Variants in TET3 observed in about 807,000 individuals in gnomAD.
TET3 encodes the protein tet methylcytosine dioxygenase 3.
Under a neutral mutation model 141.4 loss-of-function variants are expected in TET3, and 19 were observed. The observed-to-expected ratio is 0.13, with a 90% CI of 0.09 to 0.20. The LOEUF (loss-of-function observed/expected upper bound fraction) is 0.20, where lower values mean the gene tolerates loss of function less well. Ranked by LOEUF, TET3 falls within the 10% of genes least tolerant of loss-of-function variation. The pLI is 1.00. For synonymous variants in TET3, 1,043 were observed against 980.9 expected (o/e 1.06, Z -1.18); for missense variants, 1,874 against 2,356.9 (o/e 0.80, Z 4.24).
chr2:74,040,214 G>A (rs1687271801), intron 3 of TET3, among the ~76,000 whole-genome samples: 1 of 152,152 alleles, frequency 6.6e-6, no homozygotes, highest in Non-Finnish European at 1.5e-5. Context: ...ATTGTAGAGT[G>A]GAGAAGAGTG....
intron 4 of TET3, among the ~76,000 whole-genome samples, chr2:74,062,000 C>G (rs1386560264): frequency 6.6e-6 from 1 of 152,164 alleles, no homozygotes; most frequent in Non-Finnish European, 1.5e-5. Flanking sequence ...AGAGACGCTC[C>G]TCACTTCCCA....
At chr2:74,068,456 A>G (rs1689027497) in intron 4 of TET3, among the ~76,000 whole-genome samples, 1 of 152,170 alleles carries the variant, frequency 6.6e-6, no homozygotes, top group Non-Finnish European at 1.5e-5. Flanking sequence ...ACAACTGCTC[A>G]ATATTTCATT....
chr2:74,005,019 CCT>C (rs1307899530), intron 3 of TET3, among the ~76,000 whole-genome samples: 2 of 152,154 alleles, frequency 1.3e-5, no homozygotes, highest in Non-Finnish European at 2.9e-5. Flanking sequence ...CTAGAGCTTC[CCT>C]CTCTGCTGGG....
At chr2:74,063,362 T>C (rs1688700764) in intron 4 of TET3, among the ~76,000 whole-genome samples, 1 of 152,154 alleles carries the variant, frequency 6.6e-6, no homozygotes, top group Non-Finnish European at 1.5e-5. Context: ...GCAAATAATT[T>C]GTCAGGCAAT....
chr2:73,999,154 TCCCTCTA>T (rs1211549529), intron 2 of TET3, among the ~76,000 whole-genome samples: 1 of 152,164 alleles, frequency 6.6e-6, no homozygotes, highest in East Asian at 1.9e-4. Flanking sequence ...GAAGCCTGTC[TCCCTCTA>T]CCCTCTACCA....
chr2:74,022,094 C>CCTTTTTTTTTTTT lies in TET3; in HGVS notation c.360+18928_360+18929insCTTTTTTTTTTTT, dbSNP rs57671706. On this transcript the variant is annotated intron_variant, in intron 3 of 11. Coordinates refer to ENST00000409262, the MANE Select transcript of TET3 (RefSeq NM_001287491.2). ...TTACTATTTCAGTCTTTCTAGGACA[C>CCTTTTTTTTTTTT]TTTTTTTTTTTTTTTTTTTTTTTCC... Among the ~76,000 whole-genome samples the CCTTTTTTTTTTTT allele has an allele frequency of 8.5e-5, 7 of 82,768 alleles. 1 individual carries two copies. Among genetic ancestry groups the CCTTTTTTTTTTTT allele is most frequent in the African/African-American group, 2.0e-4 (4 of 19,760 alleles). The allele number at this position is 82,768 out of a possible 152,430, so 54.3% of individuals were successfully genotyped here. A position where few individuals can be genotyped will look rare whatever the true frequency, so the allele number is the denominator to read the frequency against.
At chr2:74,036,974 G>A (rs1182244117) in intron 3 of TET3, among the ~76,000 whole-genome samples, 2 of 152,154 alleles carry the variant, frequency 1.3e-5, no homozygotes, top group Non-Finnish European at 1.5e-5. Flanking sequence ...TGTTTTACTG[G>A]TATGCATGTA....
At position 74,106,415 on chromosome 2, in the gene TET3, A is replaced by G. The variant is rs1691508097; in HGVS notation, c.*4239A>G. 1 of 153,508 alleles carries G rather than the reference A, an allele frequency of 6.5e-6. No individual in the cohort carries two copies. Among genetic ancestry groups the G allele is most frequent in the African/African-American group, 2.4e-5 (1 of 41,326 alleles). 9.5% of individuals were successfully genotyped at this position (153,508 alleles called of 1,614,324 possible). ...TAGGCATTCTCATAGCCAGGGACAG[A>G]TTTTCTCCTGCAGCCCAGGGTGCTA... On this transcript the variant is annotated 3_prime_UTR_variant, in exon 12 of 12. Transcript: ENST00000409262.
At chr2:74,041,555 G>A (rs1237792585) in intron 3 of TET3, among the ~76,000 whole-genome samples, 1 of 152,128 alleles carries the variant, frequency 6.6e-6, no homozygotes, top group Non-Finnish European at 1.5e-5. Context: ...AACTTAGAAG[G>A]TTGCAACCTG....
At chr2:74,116,144 A>G in the TET3 span, among the ~76,000 whole-genome samples, 1 of 152,206 alleles carries the variant, frequency 6.6e-6, no homozygotes, top group Non-Finnish European at 1.5e-5. Context: ...AGGGAAATGT[A>G]TATCAAAACC....
chr2:74,124,937 AAAAG>A, the TET3 span, among the ~76,000 whole-genome samples: 5 of 151,402 alleles, frequency 3.3e-5, no homozygotes, highest in African/African-American at 9.7e-5. Context: ...CTAAAAAAAA[AAAAG>A]AAAAAGGTTA....
At chr2:74,053,836 A>AC (rs1558751483) in intron 4 of TET3, among the ~76,000 whole-genome samples, 1 of 151,342 alleles carries the variant, frequency 6.6e-6, no homozygotes, top group Non-Finnish European at 1.5e-5. Context: ...TATCACACAA[A>AC]CCCCCCACCC....
chr2:74,034,899 G>A (rs1686949015), intron 3 of TET3, among the ~76,000 whole-genome samples: 1 of 151,972 alleles, frequency 6.6e-6, no homozygotes, highest in African/African-American at 2.4e-5. Context: ...GGTATAAGAA[G>A]TGGTTGTTGA....
At chr2:74,083,814 G>A (rs1232016403) in intron 6 of TET3, among the ~76,000 whole-genome samples, 3 of 152,128 alleles carry the variant, frequency 2.0e-5, no homozygotes, top group Admixed American at 6.5e-5. Flanking sequence ...CCTCAGTCAC[G>A]GCCATGACTG....
chr2:73,988,574 C>T (rs12328448), intron 2 of TET3, among the ~76,000 whole-genome samples: 13,788 of 152,114 alleles, frequency 0.091, 1,535 homozygotes, highest in African/African-American at 0.25. Flanking sequence ...TATCATGGAT[C>T]TGGGGTGGCT....
the TET3 span, among the ~76,000 whole-genome samples, chr2:74,133,260 G>A: frequency 6.6e-6 from 1 of 152,054 alleles, no homozygotes; most frequent in African/African-American, 2.4e-5. Flanking sequence ...AGAGTCCCCC[G>A]TGTTCCTTCA....
intron 4 of TET3, among the ~76,000 whole-genome samples, chr2:74,066,296 A>C (rs1394843815): frequency 6.6e-6 from 1 of 152,150 alleles, no homozygotes; most frequent in East Asian, 1.9e-4. Context: ...CTAGCTCAGG[A>C]TCCTTTAAGT....
the TET3 span, among the ~76,000 whole-genome samples, chr2:74,119,546 A>G: frequency 6.6e-6 from 1 of 152,100 alleles, no homozygotes; most frequent in South Asian, 2.1e-4. Flanking sequence ...TTGTCCTATT[A>G]CTGGAAATGC....
Position 74,047,190 on chromosome 2 carries a change from C to T in TET3, c.1273C>T (p.Pro425Ser), listed in dbSNP as rs1255452400. 1 of 1,613,980 alleles carries T rather than the reference C, an allele frequency of 6.2e-7. No homozygotes were observed. Among genetic ancestry groups the T allele is most frequent in the East Asian group, 2.2e-5 (1 of 44,858 alleles). Reference protein sequence around the residue: ...SSFAPDSSAFPPATPRTEFPE... With the variant: ...SSFAPDSSAFSPATPRTEFPE... ...TTTTGCTCCTGATAGCTCTGCCTTC[C>T]CTCCAGCAACTCCTAGAACTGAGTT... The change falls in exon 4 of 12, where the codon CCT (proline) becomes TCT (serine). Residue 425 changes from proline to serine, a missense_variant. Physicochemically the swap from Pro to Ser is moderately conservative, Grantham distance 74. This residue lies in a region of TET3 where 484 missense variants were observed against 462.2 expected (regional missense o/e 1.05). Coordinates refer to ENST00000409262, the MANE Select transcript of TET3 (RefSeq NM_001287491.2).
Sources: gnomAD v4.1 joint callset for allele counts (sites outside exome capture counted in the v4.1 genomes callset) on GRCh38, gnomAD v4.1.1 for gene constraint, gnomAD v4.1.1 regional missense constraint, MANE v1.5 for transcripts, NCBI Gene and HGNC (gene_info 2026-07-23, HGNC 2026-07-21) for gene names.